The following EIF3E variants were observed in gnomAD, a reference collection of about 807,000 sequenced individuals.
EIF3E encodes eukaryotic translation initiation factor 3 subunit E.
EIF3E carries 25 observed loss-of-function variants against 59.3 expected under a neutral mutation model. The ratio of observed to expected loss-of-function variants is 0.42; its 90% CI spans 0.31 to 0.59. EIF3E has a LOEUF of 0.59. EIF3E is among the 20% of genes least tolerant of loss of function. The pLI, the probability that EIF3E is intolerant of heterozygous loss-of-function variation, is 0.15. For synonymous variants in EIF3E, 176 were observed against 170.2 expected (o/e 1.03, Z -0.26); for missense variants, 317 against 534.3 (o/e 0.59, Z 4.01).
chr8:108,202,019 T>C (rs1259248618), intron 12 of EIF3E, 96 bp from the exon 13 acceptor site: 3 of 1,160,534 alleles, frequency 2.6e-6, no homozygotes, highest in Middle Eastern at 2.1e-4. Flanking sequence ...ACTTCAGCAC[T>C]ATAGTCTCTT....
intron 1 of EIF3E, among the ~76,000 whole-genome samples, chr8:108,247,029 T>C (rs1015515148): frequency 6.6e-6 from 1 of 152,168 alleles, no homozygotes; most frequent in African/African-American, 2.4e-5. Flanking sequence ...AAGAGTCAAA[T>C]GTACTTAGAA....
intron 10 of EIF3E, among the ~76,000 whole-genome samples, chr8:108,205,291 G>T (rs767342726): frequency 6.6e-6 from 1 of 152,120 alleles, no homozygotes; most frequent in Non-Finnish European, 1.5e-5. Context: ...ATTCACTGCC[G>T]TTATGTCCAG....
chr8:108,206,635 C>CACACAT (rs1259276696), intron 10 of EIF3E, among the ~76,000 whole-genome samples: 11 of 151,516 alleles, frequency 7.3e-5, no homozygotes, highest in African/African-American at 2.7e-4. Flanking sequence ...GTCGCACAGA[C>CACACAT]ACACACACAC....
In EIF3E at chr8:108,217,375, G is replaced by A. The variant is rs1815324130; in HGVS notation, c.808C>T (p.Arg270Cys). The A allele has an allele frequency of 2.5e-6, 4 of 1,589,464 alleles. No individual in the cohort carries two copies. The highest frequency in any genetic ancestry group is 3.4e-6 in the Non-Finnish European group (4 of 1,167,236). Residue 270 changes from arginine (R) to cysteine (C), a missense_variant, in exon 8 of 13, where the codon CGT becomes TGT. Arg to Cys is a radical substitution (Grantham distance 180). This residue lies in a region of EIF3E where 242 missense variants were observed against 398.0 expected (regional missense o/e 0.61). Transcript: ENST00000220849. ...AVITNKDVRK[R>C]RQVLKDLVKV... ...ACTAGATCTTTTAGAACCTGCCGAC[G>A]TTTTCGAACATCCTTGTTTGTTATG...
intron 9 of EIF3E, among the ~76,000 whole-genome samples, chr8:108,215,890 A>G (rs749983903): frequency 6.6e-6 from 1 of 152,190 alleles, no homozygotes; most frequent in Non-Finnish European, 1.5e-5. Flanking sequence ...AATTTCTACT[A>G]AACAATAAGA....
rs766164430 is a variant in EIF3E at position 108,203,038 on chromosome 8, C to T, written c.1244G>A (p.Ser415Asn). ...CTCAATATTCATGGCCAACATCTGG[C>T]TTCTAAAGGAAAGGCTTTTGGTCTT... ...IEKTKSLSFRSQMLAMNIEKK... is the reference protein window; with the variant it reads ...IEKTKSLSFRNQMLAMNIEKK... Residue 415 changes from serine to asparagine, a missense_variant, in exon 12 of 13, where the codon AGC becomes AAC. Ser to Asn is a conservative substitution (Grantham distance 46). This residue lies in a region of EIF3E where 45 missense variants were observed against 97.8 expected (regional missense o/e 0.46). Transcript: ENST00000220849. The T allele has an allele frequency of 1.9e-6, 3 of 1,612,792 alleles. No individual in the cohort carries two copies. Among genetic ancestry groups the T allele is most frequent in the South Asian group, 1.1e-5 (1 of 91,044 alleles).
At chr8:108,240,670 C>T (rs1815817384) in intron 2 of EIF3E, among the ~76,000 whole-genome samples, 1 of 152,156 alleles carries the variant, frequency 6.6e-6, no homozygotes, top group Non-Finnish European at 1.5e-5. Context: ...CTGGTAACAC[C>T]TTAATGTTTC....
At chr8:108,242,477 T>G (rs1181993036) in intron 1 of EIF3E, 1 of 1,258,990 alleles carries the variant, frequency 7.9e-7, no homozygotes, top group Non-Finnish European at 1.0e-6. Context: ...CAACATGAAG[T>G]GTACTGAGTA....
chr8:108,229,096 G>A lies in EIF3E; in HGVS notation c.571C>T (p.Arg191Trp). 6.2e-7 allele frequency: 1 copy of A among 1,611,758 alleles called. No homozygotes were observed. The highest frequency in any genetic ancestry group is 8.5e-7 in the Non-Finnish European group (1 of 1,179,118). The stretch of plus-strand genomic sequence containing the variant: ...TTATTATCTATGGTCTCTTTTAACC[G>A]TGTAAGGTCTTCCATGGCTGCATCC... ...NWDAAMEDLT[R>W]LKETIDNNSV... Residue 191 changes from arginine (R) to tryptophan (W), a missense_variant, in exon 6 of 13, where the codon CGG becomes TGG. Physicochemically the swap from Arg to Trp is moderately radical, Grantham distance 101. Coordinates refer to ENST00000220849, the MANE Select transcript of EIF3E (RefSeq NM_001568.3).
chr8:108,217,297 A>G, intron 8 of EIF3E, 37 bp downstream of exon 8: 2 of 1,418,388 alleles, frequency 1.4e-6, no homozygotes, highest in Non-Finnish European at 1.9e-6. Flanking sequence ...AAGCTTAGGT[A>G]TTTAAAAAAA....
chr8:108,214,393 T>C (rs899258183), intron 10 of EIF3E, among the ~76,000 whole-genome samples: 4 of 152,222 alleles, frequency 2.6e-5, no homozygotes, highest in African/African-American at 9.6e-5. Flanking sequence ...ACTTAGTATT[T>C]TGAAAAATTA....
intron 5 of EIF3E, among the ~76,000 whole-genome samples, chr8:108,230,477 ATT>A (rs2066007241): frequency 2.0e-5 from 3 of 152,238 alleles, no homozygotes; most frequent in Admixed American, 6.6e-5. Context: ...ACATACGTAA[ATT>A]TATATTTATC....
chr8:108,228,577 T>C (rs1408700300), intron 6 of EIF3E, among the ~76,000 whole-genome samples, 186 bp from the exon 7 acceptor site: 2 of 152,114 alleles, frequency 1.3e-5, no homozygotes, highest in Non-Finnish European at 2.9e-5. Context: ...CATTCCAAAT[T>C]ATTACCCTGT....
Position 108,235,082 on chromosome 8 carries a change from A to G in EIF3E, c.387T>C (p.Asp129=). 6.4e-7 allele frequency: 1 copy of G among 1,563,586 alleles called. No homozygotes were observed. Among genetic ancestry groups the G allele is most frequent in the Non-Finnish European group, 8.6e-7 (1 of 1,161,294 alleles). ...GGAATTTTGCATATCTGTAGAGTGT[A>G]TCTAAATATTCCTGCCTAAACTAAA... ...DKHGFRQEYL[D]TLYRYAKFQY... The change falls in exon 5 of 13, where the codon GAT becomes GAC. Residue 129 remains aspartate (D), a synonymous_variant. Coordinates refer to ENST00000220849, the MANE Select transcript of EIF3E (RefSeq NM_001568.3).
At chr8:108,228,530 C>T (rs1394355513) in intron 6 of EIF3E, 139 bp from the exon 7 acceptor site, 2 of 557,298 alleles carry the variant, frequency 3.6e-6, no homozygotes, top group Non-Finnish European at 5.5e-6. Context: ...TGATCAATGT[C>T]CGACCCCCTA....
At chr8:108,206,784 C>T (rs1815111334) in intron 10 of EIF3E, among the ~76,000 whole-genome samples, 1 of 152,084 alleles carries the variant, frequency 6.6e-6, no homozygotes, top group African/African-American at 2.4e-5. Flanking sequence ...GCTTGGGTGA[C>T]AGAACAAGAT....
intron 12 of EIF3E, among the ~76,000 whole-genome samples, chr8:108,202,322 G>A (rs1228699690): frequency 1.3e-5 from 2 of 151,860 alleles, no homozygotes; most frequent in Non-Finnish European, 1.5e-5. Flanking sequence ...ATTATTCTGC[G>A]GACACAAATT....
intron 5 of EIF3E, among the ~76,000 whole-genome samples, chr8:108,233,971 T>C (rs1014076399): frequency 1.3e-5 from 2 of 150,200 alleles, no homozygotes; most frequent in African/African-American, 5.0e-5. Context: ...TAGAAGGCAC[T>C]TAATACACTT....
chr8:108,202,640 G>A (rs963742465), intron 12 of EIF3E, among the ~76,000 whole-genome samples: 10 of 151,862 alleles, frequency 6.6e-5, no homozygotes, highest in South Asian at 2.1e-4. Context: ...TACACATTTC[G>A]AACACTTGAA....
Sources: allele counts gnomAD v4.1 joint callset (sites outside exome capture counted in the v4.1 genomes callset), GRCh38; gene constraint gnomAD v4.1.1; regional missense constraint gnomAD v4.1.1; transcripts MANE v1.5; gene names NCBI Gene and HGNC (gene_info 2026-07-23, HGNC 2026-07-21).